Variants in C16orf87 observed in about 807,000 individuals in gnomAD.
The protein encoded by C16orf87 is HDAC and MIER1 interacting protein 1, also known as UPF0547 protein C16orf87.
In C16orf87, 13 loss-of-function variants were observed where a neutral mutation model predicts 21.0. The observed-to-expected ratio is 0.62, with a 90% CI of 0.40 to 0.98. C16orf87 has a LOEUF of 0.98. Ranked by LOEUF, C16orf87 falls within the 50% of genes least tolerant of loss-of-function variation. The pLI is 0.00. For missense variants in C16orf87, 113 were observed against 180.4 expected (o/e 0.63, Z 2.14); for synonymous variants, 49 against 60.2 (o/e 0.81, Z 0.86).
At chr16:46,814,222 T>C (rs745734821) in intron 2 of C16orf87, among the ~76,000 whole-genome samples, 4 of 152,214 alleles carry the variant, frequency 2.6e-5, no homozygotes, top group Admixed American at 6.5e-5. Context: ...ATAGCTGCTA[T>C]AGAACGGAGA....
intron 3 of C16orf87, among the ~76,000 whole-genome samples, chr16:46,805,891 G>T (rs917236696): frequency 6.6e-6 from 1 of 152,170 alleles, no homozygotes; most frequent in Non-Finnish European, 1.5e-5. Flanking sequence ...CCAAACTCAA[G>T]AACTCAGCAT....
chr16:46,803,286 C>T (rs1967830713), intron 3 of C16orf87, among the ~76,000 whole-genome samples: 1 of 152,136 alleles, frequency 6.6e-6, no homozygotes, highest in Non-Finnish European at 1.5e-5. Flanking sequence ...TATTTCTATA[C>T]ACAGGCACTC....
intron 2 of C16orf87, among the ~76,000 whole-genome samples, chr16:46,811,854 C>T (rs1044723418): frequency 3.3e-5 from 5 of 152,092 alleles, no homozygotes; most frequent in African/African-American, 1.2e-4. Context: ...TTTGGGAGGC[C>T]GAGGCAAGAG....
At chr16:46,827,836 G>A (rs1959675344) in intron 1 of C16orf87, among the ~76,000 whole-genome samples, 1 of 151,558 alleles carries the variant, frequency 6.6e-6, no homozygotes, top group East Asian at 1.9e-4. Flanking sequence ...ACCCACCTCG[G>A]CCTTCCAAAG....
rs1967714552 is a variant in C16orf87, at chr16:46,799,638, A to T, written c.*3314T>A. The stretch of plus-strand genomic sequence containing the variant: ...CTACCTGTATCTAGAGCATATTTTG[A>T]AAGTGGAATCAAACAAATTCAATAC... On this transcript the variant is annotated 3_prime_UTR_variant, in exon 4 of 4. Transcript: ENST00000285697. The T allele has an allele frequency of 6.6e-6, 1 of 152,218 alleles. No homozygotes were observed. The highest frequency in any genetic ancestry group is 6.5e-5 in the Admixed American group (1 of 15,278). 9.4% of individuals were successfully genotyped at this position (152,218 alleles called of 1,614,324 possible). A position where few individuals can be genotyped will look rare whatever the true frequency, so the allele number is the denominator to read the frequency against.
chr16:46,812,992 T>C (rs1409244783), intron 2 of C16orf87, among the ~76,000 whole-genome samples: 3 of 152,188 alleles, frequency 2.0e-5, no homozygotes, highest in Admixed American at 2.0e-4. Context: ...GCCTTTGCTG[T>C]GTGCCCTTCC....
chr16:46,806,919 A>G (rs1244557818), intron 3 of C16orf87, among the ~76,000 whole-genome samples: 1 of 152,246 alleles, frequency 6.6e-6, no homozygotes, highest in East Asian at 1.9e-4. Context: ...ATAAAGTTAA[A>G]GCTTGCTTCA....
Position 46,802,337 on chromosome 16 carries a change from G to A in C16orf87, c.*615C>T, listed in dbSNP as rs1424699539. 3.3e-5 allele frequency: 5 copies of A among 150,814 alleles called. No homozygotes were observed. The highest frequency in any genetic ancestry group is 7.4e-5 in the Non-Finnish European group (5 of 67,772). The allele number at this position is 150,814 out of a possible 1,614,324, so 9.3% of individuals were successfully genotyped here. ...TCATATAGCACCCAAACTTCAAACTGTCTAGAAAGTATCTCCTAAAATATA... is the reference window on the plus strand; with the variant it reads ...TCATATAGCACCCAAACTTCAAACTATCTAGAAAGTATCTCCTAAAATATA... On this transcript the variant is annotated 3_prime_UTR_variant, in exon 4 of 4. Transcript: ENST00000285697.
At chr16:46,815,844 A>C (rs968070441) in intron 2 of C16orf87, among the ~76,000 whole-genome samples, 5 of 152,206 alleles carry the variant, frequency 3.3e-5, no homozygotes, top group Non-Finnish European at 5.9e-5. Flanking sequence ...CAGTAAATTC[A>C]GTCCTCAAAA....
Position 46,809,676 on chromosome 16 carries a change from G to A in C16orf87, c.273C>T (p.Ser91=), listed in dbSNP as rs762204685. ...TTCCTCGTCTGATATGATCTGAATGGCTGTTACTTCGAGACCTCTTTCTGT... is the reference window on the plus strand; with the variant it reads ...TTCCTCGTCTGATATGATCTGAATGACTGTTACTTCGAGACCTCTTTCTGT... ...LENRKRSRSN[S]HSDHIRRGRG... Residue 91 remains serine (S), a synonymous_variant, in exon 3 of 4, where the codon AGC becomes AGT. Coordinates refer to ENST00000285697, the MANE Select transcript of C16orf87 (RefSeq NM_001001436.4). 7.4e-6 allele frequency: 12 copies of A among 1,610,802 alleles called. No homozygotes were observed. The South Asian group carries it at 1.2e-4, about 16-fold the overall frequency.
At chr16:46,813,593 G>A (rs925362094) in intron 2 of C16orf87, among the ~76,000 whole-genome samples, 3 of 151,816 alleles carry the variant, frequency 2.0e-5, no homozygotes, top group African/African-American at 4.8e-5. Context: ...CAACAGATCT[G>A]GCATTTGCCT....
At chr16:46,813,760 G>A (rs534025926) in intron 2 of C16orf87, among the ~76,000 whole-genome samples, 104 of 152,102 alleles carry the variant, frequency 6.8e-4, no homozygotes, top group Non-Finnish European at 1.1e-3. Flanking sequence ...CATAAGATAA[G>A]CCTTTTTTTC....
In C16orf87 at chr16:46,830,723, C is replaced by G. The variant is rs1292137645; in HGVS notation, c.66+361G>C. On this transcript the variant is annotated intron_variant, in intron 1 of 3. Coordinates refer to ENST00000285697, the MANE Select transcript of C16orf87 (RefSeq NM_001001436.4). The stretch of plus-strand genomic sequence containing the variant: ...CTCGGAGGCGGGCGTGCGGCACACT[C>G]TCGCCGGGGCTGCGGCCCGCAGGCT... 5 of 198,636 alleles carry G rather than the reference C, an allele frequency of 2.5e-5. No individual in the cohort carries two copies. The East Asian group carries it at 5.6e-4, about 22-fold the overall frequency. The allele number at this position is 198,636 out of a possible 1,614,324, so 12.3% of individuals were successfully genotyped here. A position where few individuals can be genotyped will look rare whatever the true frequency, so the allele number is the denominator to read the frequency against.
chr16:46,824,953 C>G (rs889643893), intron 1 of C16orf87, among the ~76,000 whole-genome samples: 2 of 152,022 alleles, frequency 1.3e-5, no homozygotes, highest in Non-Finnish European at 2.9e-5. Flanking sequence ...AGTGAGCCAC[C>G]ACACCCGGCC....
At chr16:46,811,807 A>G (rs767572525) in intron 2 of C16orf87, among the ~76,000 whole-genome samples, 9 of 152,314 alleles carry the variant, frequency 5.9e-5, no homozygotes, top group Middle Eastern at 3.4e-3. Flanking sequence ...AGCCAGGCTC[A>G]GTAGCTCATG....
At chr16:46,829,481 G>A (rs1264027048) in intron 1 of C16orf87, among the ~76,000 whole-genome samples, 1 of 152,032 alleles carries the variant, frequency 6.6e-6, no homozygotes, top group Non-Finnish European at 1.5e-5. Context: ...ATGCCAATTA[G>A]AACAAAGTCA....
At chr16:46,804,598 A>G (rs1967869661) in intron 3 of C16orf87, among the ~76,000 whole-genome samples, 1 of 152,194 alleles carries the variant, frequency 6.6e-6, no homozygotes, top group South Asian at 2.1e-4. Context: ...CCTTTTTTAT[A>G]GTTATTTTTA....
chr16:46,807,680 C>T (rs560286123), intron 3 of C16orf87, among the ~76,000 whole-genome samples: 8 of 152,200 alleles, frequency 5.3e-5, no homozygotes, highest in East Asian at 3.9e-4. Context: ...TCATGGTCTA[C>T]ATAAGATTCC....
rs1456622760 is a variant in C16orf87, at chr16:46,798,198, A to T, written c.*4754T>A. 3 of 152,236 alleles carry T rather than the reference A, an allele frequency of 2.0e-5. No individual in the cohort carries two copies. The highest frequency in any genetic ancestry group is 4.8e-5 in the African/African-American group (2 of 41,466). The allele number at this position is 152,236 out of a possible 1,614,324, so 9.4% of individuals were successfully genotyped here. A position where few individuals can be genotyped will look rare whatever the true frequency, so the allele number is the denominator to read the frequency against. ...AATTAATGAAACTTAAAACAGAAAA[A>T]CAGCAAAATATCAATAAACCAGAGC... On this transcript the variant is annotated 3_prime_UTR_variant, in exon 4 of 4. Transcript: ENST00000285697.
Sources: gnomAD v4.1 joint callset for allele counts (sites outside exome capture counted in the v4.1 genomes callset) on GRCh38, gnomAD v4.1.1 for gene constraint, MANE v1.5 for transcripts, NCBI Gene and HGNC (gene_info 2026-07-23, HGNC 2026-07-21) for gene names.